RASSF4: variants seen among roughly 807,000 people sequenced by gnomAD.
RASSF4 encodes the protein ras association domain-containing protein 4.
A neutral mutation model predicts 41.1 loss-of-function variants in RASSF4; 38 were observed. The ratio of observed to expected loss-of-function variants is 0.92; its 90% CI spans 0.71 to 1.21. The LOEUF (loss-of-function observed/expected upper bound fraction) is 1.21. Ranked by LOEUF, RASSF4 falls within the 50% of genes most tolerant of loss-of-function variation. The pLI is 0.00. For missense variants in RASSF4, 414 were observed against 419.4 expected, an observed-to-expected ratio of 0.99 and a Z score of 0.11; for synonymous variants, 179 against 163.4, an observed-to-expected ratio of 1.10 and a Z score of -0.73.
At position 44,993,387 on chromosome 10, in the gene RASSF4, T is replaced by C; in HGVS notation, c.*58T>C. ...GCAGTGGCAGGTGTACACTGAGCCC[T>C]GGTTGCTGGCCCCGGCCGGTCACAT... is the stretch of plus-strand genomic sequence containing the variant. On this transcript the variant is annotated 3_prime_UTR_variant, in exon 11 of 11. Coordinates refer to ENST00000340258, the MANE Select transcript of RASSF4 (RefSeq NM_032023.4). The C allele has an allele frequency of 1.4e-6, 2 of 1,430,024 alleles. No homozygotes were observed. The highest frequency in any genetic ancestry group is 1.9e-6 in the Non-Finnish European group (2 of 1,043,268). 88.6% of individuals were successfully genotyped at this position (1,430,024 alleles called of 1,614,324 possible). A position where few individuals can be genotyped will look rare whatever the true frequency, so the allele number is the denominator to read the frequency against.
At chr10:44,971,612 A>G in intron 2 of RASSF4, 161 bp from the exon 3 acceptor site, 1 of 724,844 alleles carries the variant, frequency 1.4e-6, no homozygotes, top group Non-Finnish European at 2.5e-6. Flanking sequence ...ATCCGGGTGC[A>G]TTGCGATGGC....
At chr10:44,963,477 C>G (rs968942298) in intron 1 of RASSF4, among the ~76,000 whole-genome samples, 1 of 152,248 alleles carries the variant, frequency 6.6e-6, no homozygotes, top group African/African-American at 2.4e-5. Context: ...TCATTGTCCT[C>G]TGTGCCCTGC....
chr10:44,989,831 C>G, intron 8 of RASSF4, 110 bp downstream of exon 8: 1 of 987,196 alleles, frequency 1.0e-6, no homozygotes, highest in Non-Finnish European at 1.6e-6. Context: ...GGGCTCCGTG[C>G]TGGCTTGCCT....
chr10:44,978,049 T>TGGCA (rs1365788006), intron 3 of RASSF4: 1 of 1,591,678 alleles, frequency 6.3e-7, no homozygotes, highest in Admixed American at 1.9e-5. Context: ...CGAGAGGAGG[T>TGGCA]GGCAACCTGT....
At chr10:44,965,176 CAG>C (rs1801416526) in intron 1 of RASSF4, among the ~76,000 whole-genome samples, 1 of 152,206 alleles carries the variant, frequency 6.6e-6, no homozygotes, top group Non-Finnish European at 1.5e-5. Context: ...CAGTGAGTAA[CAG>C]AGACTTATAT....
At chr10:44,977,241 G>T in intron 3 of RASSF4, 2 of 930,842 alleles carry the variant, frequency 2.1e-6, no homozygotes, top group Non-Finnish European at 3.2e-6. Flanking sequence ...ATTCAGAGGG[G>T]GTCGGTCTCA....
intron 4 of RASSF4, chr10:44,983,013 C>T (rs753543845): frequency 3.8e-5 from 21 of 550,812 alleles, no homozygotes; most frequent in South Asian, 1.4e-4. Flanking sequence ...AAAATTCACA[C>T]GAATTTAGCC....
Position 44,964,968 on chromosome 10 carries a change from G to A in RASSF4, c.-39+5102G>A, listed in dbSNP as rs570343314. Among the ~76,000 whole-genome samples, 8 of 152,346 alleles carry A rather than the reference G, an allele frequency of 5.3e-5. No individual in the cohort carries two copies. The South Asian group carries it at 1.7e-3, about 32-fold the overall frequency. On this transcript the variant is annotated intron_variant, in intron 1 of 10. Transcript: ENST00000340258. ...ATTCTGTGAGTGATCCTGGAGCTCA[G>A]GAAAAACAGGTCTTCTTGCGGTGTT...
At chr10:44,977,305 C>T (rs1293271468) in intron 3 of RASSF4, 1 of 1,478,472 alleles carries the variant, frequency 6.8e-7, no homozygotes, top group Non-Finnish European at 9.0e-7. Context: ...CTTTCAGAGA[C>T]CTGCCAGGGG....
At chr10:44,986,929 ATGCGTTC>A (rs1301744788) in intron 6 of RASSF4, among the ~76,000 whole-genome samples, 3 of 152,208 alleles carry the variant, frequency 2.0e-5, no homozygotes, top group Non-Finnish European at 4.4e-5. Context: ...TTGGATTCAA[ATGCGTTC>A]TGTTAGAGAG....
intron 3 of RASSF4, among the ~76,000 whole-genome samples, chr10:44,972,521 A>G (rs1253573670): frequency 6.6e-6 from 1 of 152,238 alleles, no homozygotes; most frequent in East Asian, 1.9e-4. Context: ...TTGAAACATC[A>G]TGTGGGCTAA....
intron 1 of RASSF4, among the ~76,000 whole-genome samples, chr10:44,964,822 C>T (rs1399848878): frequency 6.6e-6 from 1 of 152,176 alleles, no homozygotes; most frequent in Non-Finnish European, 1.5e-5. Context: ...CTTTCAGACA[C>T]CCCTTAGGTA....
At chr10:44,977,779 G>C in intron 3 of RASSF4, 2 of 1,600,824 alleles carry the variant, frequency 1.2e-6, no homozygotes, top group Non-Finnish European at 1.7e-6. Context: ...GTGCGGTGAT[G>C]TCTCGCAGGG....
At chr10:44,983,948 T>C (rs1334611726) in intron 4 of RASSF4, 74 bp from the exon 5 acceptor site, 2 of 1,550,840 alleles carry the variant, frequency 1.3e-6, no homozygotes, top group Non-Finnish European at 1.7e-6. Flanking sequence ...CAGGGGCTGC[T>C]GGTCTCTTCT....
chr10:44,983,682 C>T (rs1841806046), intron 4 of RASSF4: 2 of 269,848 alleles, frequency 7.4e-6, no homozygotes, highest in Admixed American at 5.0e-5. Context: ...CCCAGCGAGC[C>T]TGTTTGGCAC....
intron 4 of RASSF4, chr10:44,983,681 C>G (rs1308795496): frequency 3.7e-6 from 1 of 268,330 alleles, no homozygotes; most frequent in Non-Finnish European, 7.2e-6. Flanking sequence ...GCCCAGCGAG[C>G]CTGTTTGGCA....
At chr10:44,993,124 C>T (rs1842180197) in intron 10 of RASSF4, 145 bp from the exon 11 acceptor site, 1 of 669,516 alleles carries the variant, frequency 1.5e-6, no homozygotes, top group Non-Finnish European at 2.6e-6. Flanking sequence ...AGGCGCAGGC[C>T]ACAGCCTTCC....
chr10:44,960,751 A>T (rs1289257887), intron 1 of RASSF4, among the ~76,000 whole-genome samples: 1 of 152,220 alleles, frequency 6.6e-6, no homozygotes, highest in Non-Finnish European at 1.5e-5. Context: ...ACAGCAAATA[A>T]GGGCTGGGCT....
intron 8 of RASSF4, 54 bp from the exon 9 acceptor site, chr10:44,990,893 CA>C: frequency 6.4e-7 from 1 of 1,569,386 alleles, no homozygotes; most frequent in African/African-American, 1.4e-5. Flanking sequence ...TAATCTGGAA[CA>C]GACAGAGGTG....
Sources: allele counts gnomAD v4.1 joint callset (sites outside exome capture counted in the v4.1 genomes callset), GRCh38; gene constraint gnomAD v4.1.1; transcripts MANE v1.5; gene names NCBI Gene and HGNC (gene_info 2026-07-23, HGNC 2026-07-21).